The following GOLGA5 variants were observed in gnomAD, a reference collection of about 807,000 sequenced individuals.
The protein encoded by GOLGA5 is golgin subfamily A member 5.
Under a neutral mutation model 93.5 loss-of-function variants are expected in GOLGA5, and 50 were observed. That is an observed-to-expected ratio of 0.53 (90% CI 0.43 to 0.68). The LOEUF (loss-of-function observed/expected upper bound fraction) is 0.68, where lower values mean the gene tolerates loss of function less well. Ranked by LOEUF, GOLGA5 falls within the 30% of genes least tolerant of loss-of-function variation. The pLI is 0.00. For synonymous variants in GOLGA5, 312 were observed against 304.5 expected, an observed-to-expected ratio of 1.02 and a Z score of -0.26; for missense variants, 760 against 856.4, an observed-to-expected ratio of 0.89 and a Z score of 1.40.
At position 92,835,417 on chromosome 14, in the gene GOLGA5, TTA is replaced by T. The variant is rs1308001864; in HGVS notation, c.1946-139_1946-138del. On this transcript the variant is annotated intron_variant, in intron 10 of 12. Coordinates refer to ENST00000163416, the MANE Select transcript of GOLGA5 (RefSeq NM_005113.4). ...GTCATCAAATTTACCTGTCCTTTCT[TTA>T]TAGTTTCATCTACTTTGGGGTGATG... The T allele has an allele frequency of 1.7e-5, 8 of 481,260 alleles. No homozygotes were observed. The East Asian group carries it at 2.4e-4, about 14-fold the overall frequency. The allele number at this position is 481,260 out of a possible 1,614,324, so 29.8% of individuals were successfully genotyped here. A position where few individuals can be genotyped will look rare whatever the true frequency, so the allele number is the denominator to read the frequency against.
At chr14:92,808,637 A>G (rs956765439) in intron 3 of GOLGA5, among the ~76,000 whole-genome samples, 2 of 146,062 alleles carry the variant, frequency 1.4e-5, no homozygotes, top group African/African-American at 5.1e-5. Flanking sequence ...GGGGCAACAG[A>G]GTGAGGCTCT....
intron 2 of GOLGA5, among the ~76,000 whole-genome samples, chr14:92,803,888 C>T (rs185717226): frequency 2.0e-5 from 3 of 152,274 alleles, no homozygotes; most frequent in African/African-American, 4.8e-5. Flanking sequence ...ATAAACTGCA[C>T]GATAAGTATT....
At chr14:92,811,051 A>G (rs1313945470) in intron 5 of GOLGA5, among the ~76,000 whole-genome samples, 1 of 152,274 alleles carries the variant, frequency 6.6e-6, no homozygotes, top group African/African-American at 2.4e-5. Flanking sequence ...TTAACACAAT[A>G]TATCCAAAGT....
chr14:92,821,744 CTGAGTACTCAG>C (rs772797425), intron 8 of GOLGA5, among the ~76,000 whole-genome samples: 2 of 152,078 alleles, frequency 1.3e-5, no homozygotes, highest in Non-Finnish European at 2.9e-5. Context: ...ACTCTATTTC[CTGAGTACTCAG>C]TGAAAAACTC....
At chr14:92,833,904 T>A (rs1885582091) in intron 10 of GOLGA5, among the ~76,000 whole-genome samples, 3 of 152,020 alleles carry the variant, frequency 2.0e-5, no homozygotes, top group Admixed American at 2.0e-4. Context: ...ATAAAAAAAA[T>A]TGTTTAAGAG....
At chr14:92,830,437 T>C (rs1885507089) in intron 9 of GOLGA5, among the ~76,000 whole-genome samples, 1 of 151,994 alleles carries the variant, frequency 6.6e-6, no homozygotes, top group Non-Finnish European at 1.5e-5. Flanking sequence ...CAGATATCAT[T>C]AGTGTTAGTG....
At chr14:92,830,240 C>A (rs1885501966) in intron 9 of GOLGA5, among the ~76,000 whole-genome samples, 1 of 152,170 alleles carries the variant, frequency 6.6e-6, no homozygotes. Context: ...ATTGCTTGAA[C>A]CTGGGAGGCG....
rs143588478 is a variant in GOLGA5 at position 92,797,977 on chromosome 14, C to G, written c.540C>G (p.Thr180=). 8.3e-5 allele frequency: 131 copies of G among 1,572,240 alleles called. No homozygotes were observed. Among genetic ancestry groups the G allele is most frequent in the Non-Finnish European group, 1.1e-4 (129 of 1,161,840 alleles). The change falls in exon 2 of 13, where the codon ACC becomes ACG. Residue 180 remains threonine, a synonymous_variant. Coordinates refer to ENST00000163416, the MANE Select transcript of GOLGA5 (RefSeq NM_005113.4). ...TIEENSFGSQ[T]HEAASNSDSS... Reference sequence around the variant, plus strand: ...AAGAAAATTCTTTTGGGAGCCAAACCCACGGTAGTTAATCAGTCCTCTTAT... The same window carrying G: ...AAGAAAATTCTTTTGGGAGCCAAACGCACGGTAGTTAATCAGTCCTCTTAT...
At chr14:92,795,968 A>G (rs192332442) in intron 1 of GOLGA5, among the ~76,000 whole-genome samples, 77 of 152,350 alleles carry the variant, frequency 5.1e-4, no homozygotes, top group Admixed American at 1.4e-3. Context: ...TATCTTCATC[A>G]TTACTTTGAT....
chr14:92,835,432 C>G lies in GOLGA5; in HGVS notation c.1946-127C>G, dbSNP rs1430618167. The G allele has an allele frequency of 5.4e-6, 3 of 555,402 alleles. No individual in the cohort carries two copies. The East Asian group carries it at 8.5e-5, about 16-fold the overall frequency. 34.4% of individuals were successfully genotyped at this position (555,402 alleles called of 1,614,324 possible). A position where few individuals can be genotyped will look rare whatever the true frequency, so the allele number is the denominator to read the frequency against. On this transcript the variant is annotated intron_variant, in intron 10 of 12. Coordinates refer to ENST00000163416, the MANE Select transcript of GOLGA5 (RefSeq NM_005113.4). ...TGTCCTTTCTTTATAGTTTCATCTA[C>G]TTTGGGGTGATGCTTAGAAAGTTGC...
chr14:92,833,129 A>G lies in GOLGA5; in HGVS notation c.1727A>G (p.Asn576Ser). Residue 576 changes from asparagine to serine, a missense_variant, in exon 10 of 13, where the codon AAT (asparagine) becomes AGT (serine). Asn to Ser is a conservative substitution (Grantham distance 46, BLOSUM62 1). Transcript: ENST00000163416. ...GAACACTTTCTCTTTCAGCTTACCA[A>G]TAAAACTTTAAGCAATAGCAGTCAG... ...EIQKLRNQLT[N>S]KTLSNSSQSE... 2 of 1,584,042 alleles carry G rather than the reference A, an allele frequency of 1.3e-6. No homozygotes were observed. The highest frequency in any genetic ancestry group is 2.2e-5 in the East Asian group (1 of 44,740).
At chr14:92,829,553 C>T (rs1233776932) in intron 9 of GOLGA5, among the ~76,000 whole-genome samples, 1 of 152,132 alleles carries the variant, frequency 6.6e-6, no homozygotes, top group Non-Finnish European at 1.5e-5. Context: ...GAAATGGAGC[C>T]TGAAGATGTG....
In GOLGA5 at chr14:92,797,482, A is replaced by G; in HGVS notation, c.45A>G (p.Leu15=). ...TTGCTGGAAAGGCAGAAGATCTTTTAAACCGAGTTGATCAAGGGGCTGCAA... is the reference window on the plus strand; with the variant it reads ...TTGCTGGAAAGGCAGAAGATCTTTTGAACCGAGTTGATCAAGGGGCTGCAA... ...VDLAGKAEDL[L]NRVDQGAATA... is the part of the protein sequence containing the mutation. The change falls in exon 2 of 13, where the codon TTA becomes TTG. Residue 15 remains leucine (L), a synonymous_variant. Transcript: ENST00000163416. 1 of 1,612,418 alleles carries G rather than the reference A, an allele frequency of 6.2e-7. No individual in the cohort carries two copies. Among genetic ancestry groups the G allele is most frequent in the Non-Finnish European group, 8.5e-7 (1 of 1,179,438 alleles).
At position 92,797,649 on chromosome 14, in the gene GOLGA5, G is replaced by A. The variant is rs554607146; in HGVS notation, c.212G>A (p.Arg71Gln). Residue 71 changes from arginine to glutamine, a missense_variant, in exon 2 of 13, where the codon CGA becomes CAA. Arg to Gln is a conservative substitution (Grantham distance 43, BLOSUM62 1). Transcript: ENST00000163416. ...TYISSAADNI[R>Q]NQKATILAGT... ...ATTTCATCAGCAGCTGATAACATTCGAAATCAAAAAGCCACCATCTTAGCT... is the reference window on the plus strand; with the variant it reads ...ATTTCATCAGCAGCTGATAACATTCAAAATCAAAAAGCCACCATCTTAGCT... The A allele has an allele frequency of 5.6e-6, 9 of 1,613,630 alleles. No individual in the cohort carries two copies. Among genetic ancestry groups the A allele is most frequent in the South Asian group, 2.2e-5 (2 of 91,070 alleles).
chr14:92,830,011 T>TA (rs1760750235), intron 9 of GOLGA5, among the ~76,000 whole-genome samples: 1 of 152,116 alleles, frequency 6.6e-6, no homozygotes, highest in Non-Finnish European at 1.5e-5. Flanking sequence ...AAATGATGGT[T>TA]AGCATGTTTA....
In GOLGA5 at chr14:92,819,843, A is replaced by G. The variant is rs369199780; in HGVS notation, c.1620+7A>G. On this transcript the variant is annotated splice_region_variant and intron_variant, in intron 8 of 12. Coordinates refer to ENST00000163416, the MANE Select transcript of GOLGA5 (RefSeq NM_005113.4). The stretch of plus-strand genomic sequence containing the variant: ...ACTGGAGCGACTGAAGCAGGTCAGG[A>G]TTTGAGATTGATGACTTCTGAGACT... The G allele has an allele frequency of 1.9e-5, 30 of 1,613,110 alleles. No homozygotes were observed. Among genetic ancestry groups the G allele is most frequent in the Middle Eastern group, 1.6e-4 (1 of 6,080 alleles).
intron 2 of GOLGA5, among the ~76,000 whole-genome samples, chr14:92,804,993 A>G (rs1025179881): frequency 4.6e-5 from 7 of 151,942 alleles, no homozygotes; most frequent in African/African-American, 1.5e-4. Flanking sequence ...TCCCTACCCC[A>G]CTTGATTATT....
chr14:92,835,412 T>G, intron 10 of GOLGA5, 147 bp from the exon 11 acceptor site: 1 of 477,054 alleles, frequency 2.1e-6, no homozygotes, highest in East Asian at 3.0e-5. Flanking sequence ...TTACCTGTCC[T>G]TTCTTTATAG....
intron 8 of GOLGA5, 82 bp downstream of exon 8, chr14:92,819,918 G>A: frequency 7.2e-7 from 1 of 1,385,378 alleles, no homozygotes; most frequent in Non-Finnish European, 9.9e-7. Context: ...GCAGCTTACT[G>A]AAATTTTTAG....
Sources: gnomAD v4.1 joint callset for allele counts (sites outside exome capture counted in the v4.1 genomes callset) on GRCh38, gnomAD v4.1.1 for gene constraint, MANE v1.5 for transcripts, NCBI Gene and HGNC (gene_info 2026-07-23, HGNC 2026-07-21) for gene names.